VPS39: variants seen among roughly 807,000 people sequenced by gnomAD.
VPS39 encodes the protein VPS39 subunit of HOPS complex.
A neutral mutation model predicts 121.0 loss-of-function variants in VPS39; 70 were observed. The observed-to-expected ratio is 0.58, with a 90% confidence interval of 0.48 to 0.71. The LOEUF (loss-of-function observed/expected upper bound fraction) is 0.71, where lower values mean the gene tolerates loss of function less well. Ranked by LOEUF, VPS39 falls within the 30% of genes least tolerant of loss-of-function variation. The pLI, the probability that VPS39 is intolerant of heterozygous loss-of-function variation, is 0.00. For missense variants in VPS39, 818 were observed against 1,051.5 expected, an observed-to-expected ratio of 0.78 and a Z score of 3.07; for synonymous variants, 378 against 398.1, an observed-to-expected ratio of 0.95 and a Z score of 0.60.
chr15:42,178,709 CTG>C (rs2049510563), intron 8 of VPS39, 139 bp from the exon 9 acceptor site: 9 of 1,244,772 alleles, frequency 7.2e-6, no homozygotes, highest in Non-Finnish European at 9.9e-6. Flanking sequence ...GGATCTTACA[CTG>C]TGATTCAGAA....
At chr15:42,191,843 T>C (rs2049834431) in intron 2 of VPS39, among the ~76,000 whole-genome samples, 1 of 152,174 alleles carries the variant, frequency 6.6e-6, no homozygotes, top group South Asian at 2.1e-4. Flanking sequence ...CTGAAGATCT[T>C]ATCTTGCAAA....
chr15:42,191,581 C>G, intron 2 of VPS39, 21 bp from the exon 3 acceptor site: 1 of 1,608,330 alleles, frequency 6.2e-7, no homozygotes, highest in Non-Finnish European at 8.5e-7. Context: ...CAAATAAACA[C>G]TGGTAGTTCC....
chr15:42,171,129 T>C (rs2049340455), intron 11 of VPS39, among the ~76,000 whole-genome samples: 1 of 152,218 alleles, frequency 6.6e-6, no homozygotes, highest in African/African-American at 2.4e-5. Flanking sequence ...ATCAATGCTG[T>C]GGAACACTAT....
chr15:42,205,712 C>G (rs1381911603), intron 1 of VPS39, among the ~76,000 whole-genome samples: 1 of 152,070 alleles, frequency 6.6e-6, no homozygotes, highest in South Asian at 2.1e-4. Flanking sequence ...TTTCACTCTA[C>G]CTGGTAGACA....
At chr15:42,178,098 G>T in intron 10 of VPS39, 120 bp downstream of exon 10, 1 of 1,377,460 alleles carries the variant, frequency 7.3e-7, no homozygotes, top group South Asian at 1.4e-5. Flanking sequence ...AGTATTCAAG[G>T]CCCTGGACTT....
At chr15:42,207,453 C>T (rs2050197620) in intron 1 of VPS39, among the ~76,000 whole-genome samples, 1 of 152,156 alleles carries the variant, frequency 6.6e-6, no homozygotes, top group African/African-American at 2.4e-5. Flanking sequence ...AAGGACTATG[C>T]TAGTTTTTAT....
chr15:42,160,879 C>T, intron 24 of VPS39, 50 bp from the exon 25 acceptor site: 2 of 1,591,226 alleles, frequency 1.3e-6, no homozygotes, highest in Non-Finnish European at 1.7e-6. Context: ...TAAGTGACCA[C>T]TTCTCTGGCA....
At chr15:42,170,836 A>T (rs1447792956) in intron 11 of VPS39, among the ~76,000 whole-genome samples, 1 of 138,942 alleles carries the variant, frequency 7.2e-6, no homozygotes, top group Non-Finnish European at 1.5e-5. Context: ...GGCTCAAGTG[A>T]TCCTCCTGCC....
At position 42,162,037 on chromosome 15, in the gene VPS39, G is replaced by A; in HGVS notation, c.2455C>T (p.Leu819=). The A allele has an allele frequency of 1.2e-6, 2 of 1,614,190 alleles. No homozygotes were observed. The highest frequency in any genetic ancestry group is 1.7e-6 in the Non-Finnish European group (2 of 1,180,040). Residue 819 remains leucine (L), a synonymous_variant, in exon 23 of 25, where the codon CTG becomes TTG. Transcript: ENST00000318006. ...TTTGGAAGGCCCATACCTACCCTCA[G>A]GAATTCTGCATGGAGAAGGTTCTTG... ...VLKNLLHAEF[L]RVQEERILHQ... is the part of the protein sequence containing the mutation.
At chr15:42,178,074 G>C in intron 10 of VPS39, 144 bp downstream of exon 10, 3 of 1,033,760 alleles carry the variant, frequency 2.9e-6, no homozygotes, top group Non-Finnish European at 2.8e-6. Flanking sequence ...ATATTTTACG[G>C]TGGAGTCAGA....
chr15:42,173,295 A>C (rs765441417), intron 11 of VPS39, among the ~76,000 whole-genome samples: 3 of 152,138 alleles, frequency 2.0e-5, no homozygotes, highest in Non-Finnish European at 2.9e-5. Flanking sequence ...TCGCCACTAC[A>C]CTCATGTCTA....
At chr15:42,197,711 A>T (rs1485120090) in intron 2 of VPS39, among the ~76,000 whole-genome samples, 2 of 152,314 alleles carry the variant, frequency 1.3e-5, no homozygotes, top group East Asian at 3.9e-4. Context: ...GCTCCAGGGA[A>T]ATGACTCAGA....
chr15:42,161,879 G>A (rs2140832100), intron 23 of VPS39, 106 bp from the exon 24 acceptor site: 9 of 1,589,412 alleles, frequency 5.7e-6, no homozygotes, highest in Non-Finnish European at 7.7e-6. Context: ...AGATTCTTCT[G>A]CTTAGAACAT....
chr15:42,180,900 C>T (rs1460572837), intron 8 of VPS39, among the ~76,000 whole-genome samples: 3 of 152,034 alleles, frequency 2.0e-5, no homozygotes, highest in African/African-American at 7.3e-5. Flanking sequence ...AAAATTGGAA[C>T]CCTTGCGCAC....
rs927838863 is a variant in VPS39, at chr15:42,163,678, G to C, written c.2077C>G (p.Gln693Glu). The change falls in exon 20 of 25, where the codon CAA becomes GAA. Residue 693 changes from glutamine (Q) to glutamate (E), a missense_variant. By Grantham distance (29) the Gln-to-Glu change is conservative (BLOSUM62 2). Coordinates refer to ENST00000318006, the MANE Select transcript of VPS39 (RefSeq NM_015289.5). Reference sequence around the variant, plus strand: ...ATGTGGACATAAATGAAAAGAGCTTGTTCATGTTTCCCCATGCGCCCCAAC... The same window carrying C: ...ATGTGGACATAAATGAAAAGAGCTTCTTCATGTTTCCCCATGCGCCCCAAC... ...LLLGRMGKHE[Q>E]ALFIYVHILK... 1 of 1,613,992 alleles carries C rather than the reference G, an allele frequency of 6.2e-7. No individual in the cohort carries two copies.
intron 8 of VPS39, among the ~76,000 whole-genome samples, chr15:42,183,934 C>T (rs1469768748): frequency 1.3e-5 from 2 of 151,452 alleles, no homozygotes; most frequent in Non-Finnish European, 2.9e-5. Context: ...TTATATGCTT[C>T]CAGGCAATTC....
intron 1 of VPS39, among the ~76,000 whole-genome samples, chr15:42,203,198 T>C (rs775413936): frequency 1.3e-5 from 2 of 151,942 alleles, no homozygotes; most frequent in Non-Finnish European, 2.9e-5. Flanking sequence ...CCGAGTGTGG[T>C]TGGCTCATGC....
intron 1 of VPS39, among the ~76,000 whole-genome samples, chr15:42,200,563 T>C (rs1053576991): frequency 1.3e-5 from 2 of 152,188 alleles, no homozygotes; most frequent in Admixed American, 6.5e-5. Context: ...TAACAAGTGT[T>C]GATGAGAATA....
rs2049337257 is a variant in VPS39, at chr15:42,170,967, C to A, written c.1091-1101G>T. Among the ~76,000 whole-genome samples, 6 of 151,960 alleles carry A rather than the reference C, an allele frequency of 3.9e-5. No individual in the cohort carries two copies. In the South Asian group the frequency reaches 1.2e-3, roughly 32 times the overall value. The stretch of plus-strand genomic sequence containing the variant: ...TAGGCTGGTCTTGAACTCCTGGGCT[C>A]AAGCAATCCTCTTCTCTTTGGTCTC... On this transcript the variant is annotated intron_variant, in intron 11 of 24. Coordinates refer to ENST00000318006, the MANE Select transcript of VPS39 (RefSeq NM_015289.5).
Sources: allele counts gnomAD v4.1 joint callset (sites outside exome capture counted in the v4.1 genomes callset), GRCh38; gene constraint gnomAD v4.1.1; transcripts MANE v1.5; gene names NCBI Gene and HGNC (gene_info 2026-07-23, HGNC 2026-07-21).